BMPR2: variants seen among roughly 807,000 people sequenced by gnomAD.
BMPR2 encodes the protein bone morphogenetic protein receptor type 2, also known as bone morphogenetic protein receptor type-2.
In BMPR2, 29 loss-of-function variants were observed where a neutral mutation model predicts 100.8. The ratio of observed to expected loss-of-function variants is 0.29; its 90% CI spans 0.21 to 0.39. BMPR2 has a LOEUF of 0.39. Ranked by LOEUF, BMPR2 falls within the 10% of genes least tolerant of loss-of-function variation. The pLI is 1.00. For synonymous variants in BMPR2, 382 were observed against 442.3 expected, an observed-to-expected ratio of 0.86 and a Z score of 1.71; for missense variants, 1,011 against 1,274.5, an observed-to-expected ratio of 0.79 and a Z score of 3.15.
At chr2:202,481,421 C>T (rs1226047594) in intron 3 of BMPR2, among the ~76,000 whole-genome samples, 7 of 152,104 alleles carry the variant, frequency 4.6e-5, no homozygotes, top group Admixed American at 1.3e-4. Flanking sequence ...TCAGCTGATC[C>T]GCCTGCCTCA....
chr2:202,519,164 C>A, intron 6 of BMPR2, 112 bp downstream of exon 6: 2 of 1,095,154 alleles, frequency 1.8e-6, no homozygotes, highest in Non-Finnish European at 1.4e-6. Flanking sequence ...GAGTTCAGGA[C>A]CAGCCTCGCC....
At chr2:202,408,784 C>T (rs1296498712) in intron 1 of BMPR2, among the ~76,000 whole-genome samples, 1 of 152,210 alleles carries the variant, frequency 6.6e-6, no homozygotes, top group Non-Finnish European at 1.5e-5. Flanking sequence ...TTTTATTTCG[C>T]ATTCCACTTG....
At chr2:202,399,555 T>C (rs527241469) in intron 1 of BMPR2, among the ~76,000 whole-genome samples, 1 of 152,322 alleles carries the variant, frequency 6.6e-6, no homozygotes, top group South Asian at 2.1e-4. Context: ...AGAAATGCTT[T>C]AGAAAGAGTT....
At chr2:202,385,515 G>A (rs1260758482) in intron 1 of BMPR2, among the ~76,000 whole-genome samples, 4 of 151,148 alleles carry the variant, frequency 2.6e-5, no homozygotes, top group East Asian at 1.9e-4. Context: ...ACAGGTGTGC[G>A]CCACCATGTC....
intron 5 of BMPR2, among the ~76,000 whole-genome samples, chr2:202,515,206 A>G (rs1026177929): frequency 1.3e-5 from 2 of 152,166 alleles, no homozygotes; most frequent in Non-Finnish European, 2.9e-5. Context: ...AATGTATAAT[A>G]TAATTGCAAG....
At chr2:202,437,937 A>AT (rs1350872459) in intron 1 of BMPR2, among the ~76,000 whole-genome samples, 9 of 149,872 alleles carry the variant, frequency 6.0e-5, no homozygotes, top group Non-Finnish European at 1.3e-4. Flanking sequence ...TAACGTACAA[A>AT]TTTTTTTTTG....
intron 3 of BMPR2, among the ~76,000 whole-genome samples, chr2:202,498,613 G>A (rs573009578): frequency 2.0e-5 from 3 of 152,070 alleles, no homozygotes; most frequent in Non-Finnish European, 4.4e-5. Context: ...CCAAAACCAC[G>A]GGCGGTTTTG....
intron 12 of BMPR2, among the ~76,000 whole-genome samples, chr2:202,558,494 T>C (rs1263952847): frequency 6.6e-6 from 1 of 152,208 alleles, no homozygotes; most frequent in Non-Finnish European, 1.5e-5. Context: ...GAAGGAAGGA[T>C]ACAGGTCTCA....
chr2:202,385,683 G>T, intron 1 of BMPR2, among the ~76,000 whole-genome samples: 1 of 147,020 alleles, frequency 6.8e-6, no homozygotes, highest in Admixed American at 6.8e-5. Context: ...AAAAAAGCAT[G>T]TATTTTTATA....
chr2:202,435,421 T>C lies in BMPR2; in HGVS notation c.77-29388T>C, dbSNP rs954529370. Among the ~76,000 whole-genome samples the C allele has an allele frequency of 1.4e-3, 176 of 127,136 alleles. 3 individuals are homozygous for C. Among genetic ancestry groups the C allele is most frequent in the African/African-American group, 5.2e-3 (166 of 32,180 alleles). 83.4% of individuals were successfully genotyped at this position (127,136 alleles called of 152,430 possible). On this transcript the variant is annotated intron_variant, in intron 1 of 12. Transcript: ENST00000374580. ...TATATATATATATGTTTTTGTACAG[T>C]TATACAGTATGTTCGTGTTTTAAGC...
intron 7 of BMPR2, among the ~76,000 whole-genome samples, chr2:202,528,877 A>G (rs1687966131): frequency 6.6e-6 from 1 of 152,216 alleles, no homozygotes; most frequent in Non-Finnish European, 1.5e-5. Context: ...GTGCTCTTTC[A>G]CTGAATTCTA....
intron 3 of BMPR2, among the ~76,000 whole-genome samples, chr2:202,509,137 A>G (rs894446460): frequency 1.3e-5 from 2 of 152,178 alleles, no homozygotes; most frequent in Non-Finnish European, 2.9e-5. Flanking sequence ...CTTATCAAGA[A>G]GTAAAGCATA....
intron 3 of BMPR2, among the ~76,000 whole-genome samples, chr2:202,488,699 C>T (rs1375027122): frequency 6.6e-6 from 1 of 152,110 alleles, no homozygotes; most frequent in Non-Finnish European, 1.5e-5. Context: ...TCCCAAAGTG[C>T]TAGAATTACA....
chr2:202,429,029 A>C (rs1180304859), intron 1 of BMPR2, among the ~76,000 whole-genome samples: 1 of 152,170 alleles, frequency 6.6e-6, no homozygotes, highest in African/African-American at 2.4e-5. Flanking sequence ...GTGTGACTTC[A>C]GGGCCTATAC....
At position 202,400,244 on chromosome 2, in the gene BMPR2, C is replaced by T. The variant is rs1424425116; in HGVS notation, c.76+22694C>T. 2.0e-5 allele frequency among the ~76,000 whole-genome samples: 3 copies of T among 152,120 alleles called. No homozygotes were observed. In the East Asian group the frequency reaches 5.8e-4, roughly 29 times the overall value. On this transcript the variant is annotated intron_variant, in intron 1 of 12. Transcript: ENST00000374580. The stretch of plus-strand genomic sequence containing the variant: ...GCAACCTTTAAATCCTGGGCTCAAG[C>T]CATCCTCCTACTTCAGCCTCCTGAG...
At chr2:202,537,315 G>A (rs1437997878) in intron 9 of BMPR2, among the ~76,000 whole-genome samples, 7 of 152,100 alleles carry the variant, frequency 4.6e-5, no homozygotes, top group Non-Finnish European at 1.0e-4. Context: ...CATCAGATTA[G>A]TACACTGCTA....
rs551753015 is a variant in BMPR2 at position 202,393,291 on chromosome 2, A to G, written c.76+15741A>G. ...CAGAGTTTGGGGAGTCTGGGAGAGG[A>G]AGGAGACAAAATATTTTACTAAGTT... is the stretch of plus-strand genomic sequence containing the variant. On this transcript the variant is annotated intron_variant, in intron 1 of 12. Coordinates refer to ENST00000374580, the MANE Select transcript of BMPR2 (RefSeq NM_001204.7). Among the ~76,000 whole-genome samples the G allele has an allele frequency of 4.1e-4, 63 of 152,228 alleles. No individual in the cohort carries two copies. The South Asian group carries it at 0.01, about 25-fold the overall frequency.
chr2:202,412,831 AATT>A (rs1279280645), intron 1 of BMPR2, among the ~76,000 whole-genome samples: 2 of 152,168 alleles, frequency 1.3e-5, no homozygotes, highest in Non-Finnish European at 2.9e-5. Flanking sequence ...GGTCTTCAGT[AATT>A]ACTATTTCAC....
intron 1 of BMPR2, among the ~76,000 whole-genome samples, chr2:202,395,279 A>T (rs1690637578): frequency 6.6e-6 from 1 of 152,150 alleles, no homozygotes; most frequent in African/African-American, 2.4e-5. Context: ...AATTCTGTGA[A>T]TTTTTCTCTC....
Sources: gnomAD v4.1 joint callset for allele counts (sites outside exome capture counted in the v4.1 genomes callset) on GRCh38, gnomAD v4.1.1 for gene constraint, MANE v1.5 for transcripts, NCBI Gene and HGNC (gene_info 2026-07-23, HGNC 2026-07-21) for gene names.